PLIN4: variants seen among roughly 807,000 people sequenced by gnomAD.
PLIN4 encodes the protein perilipin 4.
Under a neutral mutation model 52.4 loss-of-function variants are expected in PLIN4, and 57 were observed. The ratio of observed to expected loss-of-function variants is 1.09; its 90% CI spans 0.88 to 1.36. The LOEUF (loss-of-function observed/expected upper bound fraction) is 1.36, where lower values mean the gene tolerates loss of function less well. Ranked by LOEUF, PLIN4 falls within the 40% of genes most tolerant of loss-of-function variation. The pLI is 0.00. For synonymous variants in PLIN4, 826 were observed against 785.4 expected (o/e 1.05, Z -0.86); for missense variants, 1,757 against 1,770.3 (o/e 0.99, Z 0.13).
At chr19:4,517,429 T>G in intron 3 of PLIN4, 125 bp downstream of exon 3, 1 of 1,257,274 alleles carries the variant, frequency 8.0e-7, no homozygotes, top group Admixed American at 2.8e-5. Flanking sequence ...TCCTAGTGTC[T>G]GATGAGAGCA....
chr19:4,506,690 C>G (rs1263929395), intron 6 of PLIN4, among the ~76,000 whole-genome samples: 4 of 152,262 alleles, frequency 2.6e-5, no homozygotes, highest in African/African-American at 9.6e-5. Context: ...TCCTTCTCCC[C>G]TTCTGAAGAG....
rs562449186 is a variant in PLIN4, at chr19:4,515,459, A to G, written c.258+1158T>C. On this transcript the variant is annotated intron_variant, in intron 4 of 7. Transcript: ENST00000301286. ...AATTTTTGTATTTTTAGTAGAGATGAGGTTTCACCATGTTGGCCAGGCTGG... is the reference window on the plus strand; with the variant it reads ...AATTTTTGTATTTTTAGTAGAGATGGGGTTTCACCATGTTGGCCAGGCTGG... Among the ~76,000 whole-genome samples, 172 of 151,912 alleles carry G rather than the reference A, an allele frequency of 1.1e-3. 3 individuals are homozygous for G. In the South Asian group the frequency reaches 0.034, roughly 30 times the overall value.
intron 6 of PLIN4, among the ~76,000 whole-genome samples, chr19:4,505,885 C>T (rs763273482): frequency 2.3e-4 from 35 of 152,124 alleles, no homozygotes; most frequent in Non-Finnish European, 3.2e-4. Context: ...CCGGCCTCCC[C>T]TCAGCCCCCC....
At chr19:4,513,837 G>A in intron 4 of PLIN4, 136 bp from the exon 5 acceptor site, 1 of 1,151,756 alleles carries the variant, frequency 8.7e-7, no homozygotes, top group Non-Finnish European at 1.2e-6. Context: ...TCCTCAAAAA[G>A]CAAGCTGCTT....
chr19:4,506,288 CG>C (rs944112996), intron 6 of PLIN4, among the ~76,000 whole-genome samples: 2 of 152,184 alleles, frequency 1.3e-5, no homozygotes, highest in African/African-American at 4.8e-5. Flanking sequence ...TCCAACATGC[CG>C]GGACAGTCCT....
At chr19:4,507,404 T>A (rs1019935514) in intron 6 of PLIN4, among the ~76,000 whole-genome samples, 4 of 152,196 alleles carry the variant, frequency 2.6e-5, no homozygotes, top group African/African-American at 9.7e-5. Flanking sequence ...AGGCCCCATC[T>A]CTACAAAAAA....
intron 4 of PLIN4, among the ~76,000 whole-genome samples, chr19:4,515,679 A>T (rs1976565897): frequency 6.6e-6 from 1 of 152,204 alleles, no homozygotes; most frequent in Admixed American, 6.5e-5. Flanking sequence ...GGCTCCTGGC[A>T]TGGAGTAGGT....
intron 6 of PLIN4, among the ~76,000 whole-genome samples, chr19:4,505,721 G>A (rs770219839): frequency 7.2e-5 from 11 of 152,120 alleles, no homozygotes; most frequent in East Asian, 1.9e-4. Context: ...TCAAAATATC[G>A]ACTCCAGACT....
intron 5 of PLIN4, among the ~76,000 whole-genome samples, 161 bp downstream of exon 5, chr19:4,510,285 G>A (rs2145264764): frequency 6.6e-6 from 1 of 151,356 alleles, no homozygotes; most frequent in Non-Finnish European, 1.5e-5. Flanking sequence ...AGGATGGCGT[G>A]AACCCGGGAG....
At chr19:4,516,855 C>T (rs11878813) in intron 3 of PLIN4, among the ~76,000 whole-genome samples, 177 bp from the exon 4 acceptor site, 1,780 of 152,360 alleles carry the variant, frequency 0.012, 47 homozygotes, top group African/African-American at 0.04. Context: ...CACCCCCCAA[C>T]CCCGCTGGGG....
At position 4,510,434 on chromosome 19, in the gene PLIN4, G is replaced by T; in HGVS notation, c.3514+12C>A. 1 of 1,401,018 alleles carries T rather than the reference G, an allele frequency of 7.1e-7. No individual in the cohort carries two copies. The highest frequency in any genetic ancestry group is 9.3e-7 in the Non-Finnish European group (1 of 1,073,264). The allele number at this position is 1,401,018 out of a possible 1,614,324, so 86.8% of individuals were successfully genotyped here. A position where few individuals can be genotyped will look rare whatever the true frequency, so the allele number is the denominator to read the frequency against. The stretch of plus-strand genomic sequence containing the variant: ...CTGCCTCAGGGACCCATGAACCCAG[G>T]CGTCCCCTCACCTTGCTCCTCCGCA... On this transcript the variant is annotated intron_variant, in intron 5 of 7. Coordinates refer to ENST00000301286, the MANE Select transcript of PLIN4 (RefSeq NM_001367868.2).
chr19:4,517,726 T>A, intron 2 of PLIN4, 28 bp from the exon 3 acceptor site: 2 of 1,563,066 alleles, frequency 1.3e-6, no homozygotes, highest in Non-Finnish European at 8.7e-7. Context: ...GTGTGCAGGA[T>A]GAGCAGGCCA....
At position 4,516,689 on chromosome 19, in the gene PLIN4, AG is replaced by A; in HGVS notation, c.197-12del. ...CTGGGTGGGCAGCCACTGTGGGGAC[AG>A]GGGCCGGTCAGGGAGAGTGAGGGAT... On this transcript the variant is annotated splice_polypyrimidine_tract_variant and intron_variant, in intron 3 of 7. Coordinates refer to ENST00000301286, the MANE Select transcript of PLIN4 (RefSeq NM_001367868.2). The A allele has an allele frequency of 6.3e-7, 1 of 1,586,744 alleles. No homozygotes were observed. Among genetic ancestry groups the A allele is most frequent in the Non-Finnish European group, 8.6e-7 (1 of 1,167,152 alleles).
Position 4,518,282 on chromosome 19 carries a change from G to A in PLIN4, c.-10C>T, listed in dbSNP as rs1039397618. On this transcript the variant is annotated 5_prime_UTR_variant, in exon 2 of 8. In the 5' UTR this introduces an upstream ATG that the reference lacks. Transcript: ENST00000301286. ...CGTCTGGAGCAGACATAGTGAGAAC[G>A]TGAGAAGCTGGAAGGGGGCAGAGAA... 5.7e-6 allele frequency: 7 copies of A among 1,232,550 alleles called. No homozygotes were observed. Among genetic ancestry groups the A allele is most frequent in the African/African-American group, 1.6e-5 (1 of 64,436 alleles). 76.4% of individuals were successfully genotyped at this position (1,232,550 alleles called of 1,614,324 possible).
At chr19:4,516,573 C>G in intron 4 of PLIN4, 44 bp downstream of exon 4, 1 of 1,568,192 alleles carries the variant, frequency 6.4e-7, no homozygotes, top group Non-Finnish European at 8.6e-7. Context: ...GGGGCACCCC[C>G]AGGGCTCCTG....
chr19:4,506,447 T>C (rs2145249532), intron 6 of PLIN4, among the ~76,000 whole-genome samples: 1 of 152,304 alleles, frequency 6.6e-6, no homozygotes, highest in East Asian at 1.9e-4. Context: ...CTTATCCTGG[T>C]ACATGTTCCA....
chr19:4,513,909 C>G (rs1026255199), intron 4 of PLIN4, among the ~76,000 whole-genome samples: 1 of 152,224 alleles, frequency 6.6e-6, no homozygotes, highest in Non-Finnish European at 1.5e-5. Flanking sequence ...CACCCTGGCT[C>G]TCCGGGATGA....
Position 4,511,556 on chromosome 19 carries a change from C to CA in PLIN4, c.2403dup (p.Gly802TrpfsTer94). 6.8e-7 allele frequency: 1 copy of CA among 1,481,286 alleles called. No homozygotes were observed. The highest frequency in any genetic ancestry group is 9.0e-7 in the Non-Finnish European group (1 of 1,113,326). 91.8% of individuals were successfully genotyped at this position (1,481,286 alleles called of 1,614,324 possible). On this transcript the variant is annotated frameshift_variant, in exon 5 of 8. Coordinates refer to ENST00000301286, the MANE Select transcript of PLIN4 (RefSeq NM_001367868.2). LOFTEE classifies it high-confidence loss of function. The stretch of plus-strand genomic sequence containing the variant: ...GCCACATTCGCAGCACCGGTCACCC[C>CA]ACTGCACACAGCATCCTTGGTACCA...
At position 4,504,669 on chromosome 19, in the gene PLIN4, C is replaced by A. The variant is rs1306800071; in HGVS notation, c.3906G>T (p.Val1302=). Reference sequence around the variant, plus strand: ...CACAGAGGCTGTGCCGCGCCCGCCCCACTGGCTGCTGGAGCTCGGCGGGCA... The same window carrying A: ...CACAGAGGCTGTGCCGCGCCCGCCCAACTGGCTGCTGGAGCTCGGCGGGCA... ...QGLPAELQQP[V]GRARHSLCEL... The change falls in exon 8 of 8, where the codon GTG becomes GTT. Residue 1302 remains valine, a synonymous_variant. Transcript: ENST00000301286. The A allele has an allele frequency of 6.2e-7, 1 of 1,603,176 alleles. No individual in the cohort carries two copies.
Sources: gnomAD v4.1 joint callset for allele counts (sites outside exome capture counted in the v4.1 genomes callset) on GRCh38, gnomAD v4.1.1 for gene constraint, MANE v1.5 for transcripts, NCBI Gene and HGNC (gene_info 2026-07-23, HGNC 2026-07-21) for gene names.